The following ERC2 variants were observed in gnomAD, a reference collection of about 807,000 sequenced individuals.
The protein encoded by ERC2 is ELKS/RAB6-interacting/CAST family member 2, also known as ERC protein 2.
In ERC2, 42 loss-of-function variants were observed where a neutral mutation model predicts 114.8. The ratio of observed to expected loss-of-function variants is 0.37; its 90% CI spans 0.29 to 0.47. The LOEUF (loss-of-function observed/expected upper bound fraction) is 0.47, where lower values mean the gene tolerates loss of function less well. Among genes scored for constraint, ERC2 ranks in the 20% least tolerant of loss-of-function variants. ERC2 has a pLI of 0.99. For synonymous variants in ERC2, 454 were observed against 425.5 expected (o/e 1.07, Z -0.82); for missense variants, 939 against 1,150.7 (o/e 0.82, Z 2.66).
At chr3:56,089,218 T>C (rs953946291) in intron 6 of ERC2, among the ~76,000 whole-genome samples, 10 of 152,156 alleles carry the variant, frequency 6.6e-5, no homozygotes, top group African/African-American at 2.2e-4. Flanking sequence ...CTACCAAAAA[T>C]ACCTCAGTAT....
chr3:56,438,620 G>A (rs902941927), intron 1 of ERC2, among the ~76,000 whole-genome samples: 3 of 152,120 alleles, frequency 2.0e-5, no homozygotes, highest in Non-Finnish European at 4.4e-5. Context: ...TATCTTTTCT[G>A]TGCTTACAAT....
chr3:55,883,236 A>G (rs190797803), intron 14 of ERC2, among the ~76,000 whole-genome samples: 6 of 152,372 alleles, frequency 3.9e-5, no homozygotes, highest in African/African-American at 1.4e-4. Flanking sequence ...ATAAAATCAC[A>G]TCGTGAGAAA....
chr3:56,096,430 T>A (rs1432375999), intron 6 of ERC2, among the ~76,000 whole-genome samples: 1 of 152,088 alleles, frequency 6.6e-6, no homozygotes, highest in Non-Finnish European at 1.5e-5. Flanking sequence ...AGCCAAGACA[T>A]CACGCTCAGA....
At chr3:56,433,420 G>A (rs532460673) in intron 2 of ERC2, among the ~76,000 whole-genome samples, 2 of 152,354 alleles carry the variant, frequency 1.3e-5, no homozygotes, top group East Asian at 1.9e-4. Flanking sequence ...AGCAGGTGCT[G>A]AGAAGGCCAC....
At chr3:56,273,977 CACA>C (rs2053828971) in intron 3 of ERC2, among the ~76,000 whole-genome samples, 1 of 152,156 alleles carries the variant, frequency 6.6e-6, no homozygotes, top group Non-Finnish European at 1.5e-5. Flanking sequence ...TTTGTAGCAT[CACA>C]ACATTTCAGA....
At chr3:56,015,851 C>A (rs1246741513) in intron 8 of ERC2, among the ~76,000 whole-genome samples, 1 of 152,100 alleles carries the variant, frequency 6.6e-6, no homozygotes, top group African/African-American at 2.4e-5. Flanking sequence ...CTTTTTCTGC[C>A]CAGCCTCACC....
intron 13 of ERC2, among the ~76,000 whole-genome samples, chr3:55,948,136 C>T (rs2067253126): frequency 6.6e-6 from 1 of 152,162 alleles, no homozygotes; most frequent in African/African-American, 2.4e-5. Flanking sequence ...ACTTTCATAC[C>T]AACTAGTTGA....
At position 55,616,944 on chromosome 3, in the gene ERC2, T is replaced by C; in HGVS notation, c.*39+66850A>G. Among the ~76,000 whole-genome samples the C allele has an allele frequency of 1.3e-5, 2 of 152,142 alleles. 1 individual carries two copies. On this transcript the variant is annotated intron_variant, in intron 17 of 17. Transcript: ENST00000288221. The stretch of plus-strand genomic sequence containing the variant: ...TGAGCCATTTCACTTCACTAACACA[T>C]AGGTGTGAAGGAGTTAGGCGTTACT...
At chr3:55,540,313 T>C (rs2054309778) in intron 17 of ERC2, among the ~76,000 whole-genome samples, 1 of 152,214 alleles carries the variant, frequency 6.6e-6, no homozygotes. Flanking sequence ...TTCATCAGAA[T>C]AGGTGCCCAC....
rs148737834 is a variant in ERC2 at position 56,298,036 on chromosome 3, T to C, written c.658-1601A>G. 1.4e-4 allele frequency among the ~76,000 whole-genome samples: 22 copies of C among 152,354 alleles called. No homozygotes were observed. The East Asian group carries it at 3.7e-3, about 25-fold the overall frequency. ...TTGAATGCAGAGAAAGAAACTGATA[T>C]GTATTTAATGATGGAGGTTATTCAT... On this transcript the variant is annotated intron_variant, in intron 2 of 17. Transcript: ENST00000288221.
At chr3:55,640,230 C>A (rs1349441221) in intron 17 of ERC2, among the ~76,000 whole-genome samples, 1 of 152,208 alleles carries the variant, frequency 6.6e-6, no homozygotes, top group Non-Finnish European at 1.5e-5. Context: ...CTTGGTCCAT[C>A]TGTCTTTGTC....
At chr3:55,794,472 C>T (rs568515083) in intron 14 of ERC2, among the ~76,000 whole-genome samples, 8 of 152,262 alleles carry the variant, frequency 5.3e-5, no homozygotes, top group African/African-American at 1.9e-4. Flanking sequence ...TCCATGTGTG[C>T]ACACATGTGA....
chr3:55,516,368 G>C (rs1339953578), intron 17 of ERC2, among the ~76,000 whole-genome samples: 1 of 152,132 alleles, frequency 6.6e-6, no homozygotes. Flanking sequence ...TTATTGTTGT[G>C]ATCAAAGTGG....
intron 11 of ERC2, among the ~76,000 whole-genome samples, chr3:55,988,973 C>T (rs2070844047): frequency 6.6e-6 from 1 of 152,210 alleles, no homozygotes; most frequent in Non-Finnish European, 1.5e-5. Flanking sequence ...GAAAGGCAGG[C>T]CAAGGCTGAG....
chr3:55,706,299 C>A (rs2063481920), intron 15 of ERC2, among the ~76,000 whole-genome samples: 1 of 152,152 alleles, frequency 6.6e-6, no homozygotes, highest in Admixed American at 6.5e-5. Flanking sequence ...CATTCTCTCA[C>A]CATGTTTCTG....
At chr3:56,155,082 C>T (rs571505256) in intron 4 of ERC2, among the ~76,000 whole-genome samples, 5 of 152,156 alleles carry the variant, frequency 3.3e-5, no homozygotes, top group African/African-American at 7.2e-5. Flanking sequence ...TAAATGTTAG[C>T]GTCCCTCTTG....
At chr3:56,063,350 T>A (rs1465607631) in intron 7 of ERC2, among the ~76,000 whole-genome samples, 1 of 152,220 alleles carries the variant, frequency 6.6e-6, no homozygotes, top group African/African-American at 2.4e-5. Flanking sequence ...AAAAGTGAAT[T>A]TCACTATTAG....
At chr3:55,649,754 C>A (rs374764337) in intron 17 of ERC2, among the ~76,000 whole-genome samples, 1 of 152,130 alleles carries the variant, frequency 6.6e-6, no homozygotes, top group Admixed American at 6.5e-5. Context: ...AGCCAGGGCA[C>A]CCCCGTCATG....
chr3:55,749,685 C>T (rs1439197930), intron 14 of ERC2, among the ~76,000 whole-genome samples: 1 of 152,150 alleles, frequency 6.6e-6, no homozygotes, highest in East Asian at 1.9e-4. Context: ...TCCGATAGGA[C>T]AGAAACAGAA....
Sources: allele counts gnomAD v4.1 joint callset (sites outside exome capture counted in the v4.1 genomes callset), GRCh38; gene constraint gnomAD v4.1.1; transcripts MANE v1.5; gene names NCBI Gene and HGNC (gene_info 2026-07-23, HGNC 2026-07-21).